The following BUB1 variants were observed in gnomAD, a reference collection of about 807,000 sequenced individuals.
BUB1 encodes mitotic checkpoint serine/threonine-protein kinase BUB1.
Under a neutral mutation model 135.2 loss-of-function variants are expected in BUB1, and 84 were observed. That is an observed-to-expected ratio of 0.62 (90% CI 0.52 to 0.74). BUB1 has a LOEUF of 0.74. Among genes scored for constraint, BUB1 ranks in the 30% least tolerant of loss-of-function variants. The pLI, the probability that BUB1 is intolerant of heterozygous loss-of-function variation, is 0.00. For synonymous variants in BUB1, 403 were observed against 434.4 expected (o/e 0.93, Z 0.90); for missense variants, 1,162 against 1,288.3 (o/e 0.90, Z 1.50).
At chr2:110,646,522 T>C (rs766222421) in intron 19 of BUB1, among the ~76,000 whole-genome samples, 9 of 152,164 alleles carry the variant, frequency 5.9e-5, no homozygotes, top group African/African-American at 1.4e-4. Flanking sequence ...TACATTCTTC[T>C]CAAGCTCACA....
chr2:110,666,437 T>G (rs754480075), intron 8 of BUB1, 23 bp from the exon 9 acceptor site: 1 of 1,337,246 alleles, frequency 7.5e-7, no homozygotes, highest in South Asian at 2.4e-5. Context: ...TAGAAATGGT[T>G]TGCATGCAAA....
chr2:110,669,332 G>T, intron 6 of BUB1, 121 bp downstream of exon 6: 1 of 712,722 alleles, frequency 1.4e-6, no homozygotes, highest in Non-Finnish European at 2.5e-6. Context: ...CTGACATGGA[G>T]CTCAGAGCCA....
rs1689757677 is a variant in BUB1 at position 110,650,576 on chromosome 2, T to C, written c.2173A>G (p.Met725Val). 2 of 1,613,732 alleles carry C rather than the reference T, an allele frequency of 1.2e-6. No individual in the cohort carries two copies. The highest frequency in any genetic ancestry group is 2.7e-5 in the African/African-American group (2 of 74,896). Reference protein sequence around the residue: ...IAGLQAEWMQMSSLGTVDAPN... With the variant: ...IAGLQAEWMQVSSLGTVDAPN... ...GCATCAACAGTCCCAAGTGAACTCA[T>C]CTGCATCCATTCTGCTTGGAGCCCA... The change falls in exon 18 of 25, where the codon ATG becomes GTG. Residue 725 changes from methionine (M) to valine (V), a missense_variant. Met to Val is a conservative substitution (Grantham distance 21). Coordinates refer to ENST00000302759, the MANE Select transcript of BUB1 (RefSeq NM_004336.5).
intron 3 of BUB1, 73 bp from the exon 4 acceptor site, chr2:110,672,930 G>C: frequency 7.0e-7 from 1 of 1,420,202 alleles, no homozygotes; most frequent in Non-Finnish European, 9.3e-7. Context: ...GAGTTAGCCA[G>C]CTAAGCTGGG....
At chr2:110,666,535 T>C (rs1690260829) in intron 8 of BUB1, 121 bp from the exon 9 acceptor site, 1 of 773,286 alleles carries the variant, frequency 1.3e-6, no homozygotes, top group African/African-American at 1.8e-5. Flanking sequence ...GTCTTTCTCA[T>C]ATTTGGTTTT....
In BUB1 at chr2:110,673,984, G is replaced by C. The variant is rs1690501805; in HGVS notation, c.225+102C>G. 1.0e-5 allele frequency: 10 copies of C among 969,178 alleles called. No homozygotes were observed. In the South Asian group the frequency reaches 1.7e-4, roughly 17 times the overall value. 60.0% of individuals were successfully genotyped at this position (969,178 alleles called of 1,614,324 possible). A position where few individuals can be genotyped will look rare whatever the true frequency, so the allele number is the denominator to read the frequency against. ...TTTCCTCTCTGTATCTTCAGAACTAGAAACAAGGAATTAAAAGCCTAAAAT... is the reference window on the plus strand; with the variant it reads ...TTTCCTCTCTGTATCTTCAGAACTACAAACAAGGAATTAAAAGCCTAAAAT... On this transcript the variant is annotated intron_variant, in intron 3 of 24. Transcript: ENST00000302759.
intron 17 of BUB1, among the ~76,000 whole-genome samples, chr2:110,651,401 T>C (rs1380462961): frequency 1.3e-5 from 2 of 152,136 alleles, no homozygotes; most frequent in African/African-American, 4.8e-5. Context: ...AAAAAAAAAT[T>C]TTTTTAATGC....
intron 19 of BUB1, among the ~76,000 whole-genome samples, chr2:110,645,591 G>C (rs1310480033): frequency 6.6e-6 from 1 of 151,848 alleles, no homozygotes; most frequent in African/African-American, 2.4e-5. Flanking sequence ...GTGTATGTGT[G>C]TGTGTGTGTG....
At chr2:110,658,542 T>C (rs369175353) in intron 12 of BUB1, 22 bp from the exon 13 acceptor site, 9 of 1,613,694 alleles carry the variant, frequency 5.6e-6, no homozygotes, top group Middle Eastern at 3.3e-4. Flanking sequence ...AAAAGAATAA[T>C]TGTAAACAGG....
intron 23 of BUB1, among the ~76,000 whole-genome samples, chr2:110,640,209 T>C (rs1213219801): frequency 6.6e-6 from 1 of 152,134 alleles, no homozygotes; most frequent in Non-Finnish European, 1.5e-5. Flanking sequence ...CTCGCCCCCA[T>C]GGCCTCTTGT....
intron 4 of BUB1, among the ~76,000 whole-genome samples, chr2:110,671,331 T>C (rs994172619): frequency 7.2e-5 from 11 of 152,228 alleles, no homozygotes; most frequent in Admixed American, 3.3e-4. Context: ...TATTTTGCTG[T>C]TATGGATCGG....
chr2:110,641,507 A>T (rs1343546488), intron 21 of BUB1, 43 bp from the exon 22 acceptor site: 7 of 1,571,686 alleles, frequency 4.5e-6, no homozygotes, highest in Non-Finnish European at 6.0e-6. Context: ...GTTGCACAAG[A>T]TTAATAAAAT....
chr2:110,640,202 G>A (rs1258558333), intron 23 of BUB1, among the ~76,000 whole-genome samples: 2 of 151,932 alleles, frequency 1.3e-5, no homozygotes, highest in Non-Finnish European at 2.9e-5. Context: ...TCTCTAACTC[G>A]CCCCCATGGC....
chr2:110,655,019 C>G (rs890997613), intron 16 of BUB1, among the ~76,000 whole-genome samples: 1 of 152,168 alleles, frequency 6.6e-6, no homozygotes, highest in Non-Finnish European at 1.5e-5. Flanking sequence ...GTTCCTGGAA[C>G]CAATCCTCTG....
Position 110,672,778 on chromosome 2 carries a change from T to A in BUB1, c.305A>T (p.Tyr102Phe). 6.2e-7 allele frequency: 1 copy of A among 1,614,076 alleles called. No individual in the cohort carries two copies. The highest frequency in any genetic ancestry group is 8.5e-7 in the Non-Finnish European group (1 of 1,180,014). Residue 102 changes from tyrosine (Y) to phenylalanine (F), a missense_variant, in exon 4 of 25, where the codon TAC (tyrosine) becomes TTC (phenylalanine). Physicochemically the swap from Tyr to Phe is conservative, Grantham distance 22 (BLOSUM62 3). Coordinates refer to ENST00000302759, the MANE Select transcript of BUB1 (RefSeq NM_004336.5). The part of the protein sequence containing the change: ...HGIGTLSSPL[Y>F]IAWAGHLEAQ... ...TTCCAGATGCCCCGCCCAGGCAATG[T>A]ACAGAGGGGATGACAGGGTTCCAAT...
chr2:110,674,249 T>C (rs1690511359), intron 2 of BUB1, 25 bp from the exon 3 acceptor site: 1 of 1,612,240 alleles, frequency 6.2e-7, no homozygotes, highest in Non-Finnish European at 8.5e-7. Context: ...ATAATGTTAA[T>C]TTTCCATGGG....
chr2:110,675,018 TAG>T (rs750747909), intron 1 of BUB1: 1 of 152,928 alleles, frequency 6.5e-6, no homozygotes, highest in Non-Finnish European at 1.5e-5. Flanking sequence ...TACCACAAAG[TAG>T]AGTTCCCAGA....
chr2:110,670,650 A>G, intron 4 of BUB1, 82 bp from the exon 5 acceptor site: 1 of 1,390,970 alleles, frequency 7.2e-7, no homozygotes, highest in Non-Finnish European at 1.0e-6. Context: ...AATACCATAG[A>G]CAACTTATTA....
At chr2:110,650,318 C>A (rs1689751218) in intron 18 of BUB1, among the ~76,000 whole-genome samples, 1 of 151,992 alleles carries the variant, frequency 6.6e-6, no homozygotes, top group African/African-American at 2.4e-5. Context: ...ATTCTAATTC[C>A]CTCTTCCAAC....
Sources: gnomAD v4.1 joint callset for allele counts (sites outside exome capture counted in the v4.1 genomes callset) on GRCh38, gnomAD v4.1.1 for gene constraint, MANE v1.5 for transcripts, NCBI Gene and HGNC (gene_info 2026-07-23, HGNC 2026-07-21) for gene names.